SNX24: variants seen among roughly 807,000 people sequenced by gnomAD.
SNX24 encodes the protein sorting nexin-24.
In SNX24, 22 loss-of-function variants were observed where a neutral mutation model predicts 28.7. The ratio of observed to expected loss-of-function variants is 0.77; its 90% confidence interval spans 0.55 to 1.10. The LOEUF (loss-of-function observed/expected upper bound fraction) is 1.10. Ranked by LOEUF, SNX24 falls within the 50% of genes least tolerant of loss-of-function variation. The pLI is 0.00. For synonymous variants in SNX24, 69 were observed against 71.5 expected (o/e 0.96, Z 0.18); for missense variants, 221 against 201.1 (o/e 1.10, Z -0.60).
chr5:122,900,156 A>G (rs2150078509), intron 1 of SNX24, among the ~76,000 whole-genome samples: 1 of 150,040 alleles, frequency 6.7e-6, no homozygotes, highest in East Asian at 2.0e-4. Context: ...AGTAGCTGGG[A>G]CCACAGGTGT....
At chr5:122,949,918 T>C (rs1387723039) in intron 3 of SNX24, among the ~76,000 whole-genome samples, 2 of 152,212 alleles carry the variant, frequency 1.3e-5, no homozygotes, top group Non-Finnish European at 2.9e-5. Context: ...TTTGAGTAAT[T>C]TGAAGTATGG....
At chr5:122,864,857 G>A (rs1035088634) in intron 1 of SNX24, among the ~76,000 whole-genome samples, 2 of 152,356 alleles carry the variant, frequency 1.3e-5, no homozygotes, top group South Asian at 4.1e-4. Flanking sequence ...TCCTACAAAG[G>A]CAGTATAGTC....
chr5:122,981,669 T>TTTTG (rs71623279), intron 3 of SNX24, among the ~76,000 whole-genome samples: 62 of 152,050 alleles, frequency 4.1e-4, no homozygotes, highest in Non-Finnish European at 4.1e-4. Flanking sequence ...TTTGTTTTGT[T>TTTTG]TTTGTTTGTT....
chr5:122,916,577 C>A (rs1439105687), intron 1 of SNX24, among the ~76,000 whole-genome samples: 2 of 152,144 alleles, frequency 1.3e-5, no homozygotes, highest in African/African-American at 4.8e-5. Flanking sequence ...TAAGCTTGAA[C>A]AGTCCATTTG....
intron 3 of SNX24, among the ~76,000 whole-genome samples, chr5:122,969,340 T>C (rs1466673267): frequency 6.6e-6 from 1 of 152,204 alleles, no homozygotes; most frequent in African/African-American, 2.4e-5. Flanking sequence ...GTTGTGGCAA[T>C]GGAGTTAAGG....
chr5:123,025,645 A>T, intron 5 of SNX24: 1 of 840,490 alleles, frequency 1.2e-6, no homozygotes, highest in Non-Finnish European at 1.8e-6. Context: ...CATACCATAT[A>T]TAATTTATTC....
At chr5:122,859,609 AAATAAT>A (rs1251833275) in intron 1 of SNX24, among the ~76,000 whole-genome samples, 1 of 152,132 alleles carries the variant, frequency 6.6e-6, no homozygotes, top group East Asian at 1.9e-4. Context: ...CTCAAATAAT[AAATAAT>A]AATAATTGTC....
At chr5:122,955,516 T>A (rs955331539) in intron 3 of SNX24, among the ~76,000 whole-genome samples, 1 of 152,198 alleles carries the variant, frequency 6.6e-6, no homozygotes, top group Non-Finnish European at 1.5e-5. Flanking sequence ...ACCTTCTATT[T>A]TAGCTGACTT....
At chr5:122,878,736 C>G (rs1322146189) in intron 1 of SNX24, among the ~76,000 whole-genome samples, 1 of 152,060 alleles carries the variant, frequency 6.6e-6, no homozygotes, top group Admixed American at 6.6e-5. Context: ...GCTTTGGAAA[C>G]CAAGGTGGGA....
intron 1 of SNX24, among the ~76,000 whole-genome samples, chr5:122,895,298 T>C (rs531739210): frequency 2.0e-5 from 3 of 152,330 alleles, no homozygotes; most frequent in East Asian, 1.9e-4. Context: ...GATTAACTTA[T>C]GCATTTTCAT....
chr5:122,907,680 G>T (rs918955980), intron 1 of SNX24, among the ~76,000 whole-genome samples: 3 of 152,156 alleles, frequency 2.0e-5, no homozygotes, highest in Admixed American at 6.5e-5. Flanking sequence ...GGAACAATTT[G>T]TATGCAGAGG....
At chr5:122,878,165 G>A (rs749346959) in intron 1 of SNX24, among the ~76,000 whole-genome samples, 3 of 152,174 alleles carry the variant, frequency 2.0e-5, no homozygotes, top group Non-Finnish European at 4.4e-5. Context: ...GTGGGAAAAT[G>A]GAGTGGGAAG....
chr5:122,945,744 ATTTCT>A (rs778188819), intron 2 of SNX24, among the ~76,000 whole-genome samples: 1 of 152,202 alleles, frequency 6.6e-6, no homozygotes, highest in Non-Finnish European at 1.5e-5. Context: ...TTGTAACTAA[ATTTCT>A]TTACTTTCAT....
At chr5:122,972,576 G>A (rs1761002362) in intron 3 of SNX24, among the ~76,000 whole-genome samples, 1 of 152,204 alleles carries the variant, frequency 6.6e-6, no homozygotes, top group Non-Finnish European at 1.5e-5. Context: ...TCAGGAGCAT[G>A]AGCTGACTGC....
At chr5:123,017,533 T>G (rs1020245679) in intron 5 of SNX24, among the ~76,000 whole-genome samples, 10 of 151,804 alleles carry the variant, frequency 6.6e-5, no homozygotes, top group Admixed American at 6.6e-4. Context: ...TATAAGTACC[T>G]CATAGTCTAA....
intron 1 of SNX24, among the ~76,000 whole-genome samples, chr5:122,903,301 G>C (rs1395821691): frequency 6.6e-6 from 1 of 151,782 alleles, no homozygotes; most frequent in African/African-American, 2.4e-5. Context: ...AATAGAGACA[G>C]GGTTTCTCCA....
chr5:122,950,061 T>C (rs1171455294), intron 3 of SNX24, among the ~76,000 whole-genome samples: 2 of 152,170 alleles, frequency 1.3e-5, no homozygotes. Context: ...CCAGGAAAAC[T>C]CCCTGAGGTT....
chr5:122,959,837 T>TC (rs1249752340), intron 3 of SNX24, among the ~76,000 whole-genome samples: 6 of 152,140 alleles, frequency 3.9e-5, no homozygotes, highest in Admixed American at 3.9e-4. Context: ...GCAGAGGTTT[T>TC]GATAGGCAAA....
intron 1 of SNX24, among the ~76,000 whole-genome samples, chr5:122,849,180 A>G (rs1561498972): frequency 6.6e-6 from 1 of 152,226 alleles, no homozygotes. Context: ...TTGTTATTCA[A>G]GAAGTTTATA....
Sources: allele counts gnomAD v4.1 joint callset (sites outside exome capture counted in the v4.1 genomes callset), GRCh38; gene constraint gnomAD v4.1.1; transcripts MANE v1.5; gene names NCBI Gene and HGNC (gene_info 2026-07-23, HGNC 2026-07-21).